The following MGST2 variants were observed in gnomAD, a reference collection of about 807,000 sequenced individuals.
The protein encoded by MGST2 is microsomal glutathione S-transferase 2.
MGST2 carries 9 observed loss-of-function variants against 16.6 expected under a neutral mutation model. The observed-to-expected ratio is 0.54, with a 90% CI of 0.33 to 0.95. MGST2 has a LOEUF of 0.95. MGST2 is among the 40% of genes least tolerant of loss of function. MGST2 has a pLI of 0.03. For synonymous variants in MGST2, 79 were observed against 68.0 expected, an observed-to-expected ratio of 1.16 and a Z score of -0.79; for missense variants, 159 against 175.1, an observed-to-expected ratio of 0.91 and a Z score of 0.52.
intron 1 of MGST2, 56 bp downstream of exon 1, chr4:139,666,133 T>A (rs1579278445): frequency 3.2e-6 from 5 of 1,542,226 alleles, no homozygotes; most frequent in Non-Finnish European, 4.5e-6. Context: ...TGTGTGTGTG[T>A]GACAAGGCTT....
intron 3 of MGST2, among the ~76,000 whole-genome samples, chr4:139,701,639 G>A (rs771474769): frequency 6.6e-6 from 1 of 151,932 alleles, no homozygotes; most frequent in Non-Finnish European, 1.5e-5. Flanking sequence ...TTTCACTGCC[G>A]ACCTCAATCC....
the MGST2 span, among the ~76,000 whole-genome samples, chr4:139,749,894 C>G: frequency 9.3e-5 from 10 of 107,890 alleles, no homozygotes; most frequent in East Asian, 2.9e-4. Context: ...AACCCCCCCC[C>G]ACCCTATTCT....
chr4:139,745,326 G>A (rs897127698), downstream of MGST2, among the ~76,000 whole-genome samples: 6 of 152,092 alleles, frequency 3.9e-5, no homozygotes, highest in Non-Finnish European at 7.3e-5. Flanking sequence ...GGGAATAAAC[G>A]CTAAATGCAT....
At position 139,715,759 on chromosome 4, in the gene MGST2, ACC is replaced by A. The variant is rs1252539592; in HGVS notation, c.*48+11565_*48+11566del. Among the ~76,000 whole-genome samples the A allele has an allele frequency of 1.3e-5, 2 of 152,082 alleles. No individual in the cohort carries two copies. Among genetic ancestry groups the A allele is most frequent in the African/African-American group, 2.4e-5 (1 of 41,420 alleles). ...GTGGCAGTGAGGACGACCAGAGGTC[ACC>A]CTCGTCGCTATTTTGGTTTTGGTGG... On this transcript the variant is annotated intron_variant, in intron 5 of 5. Coordinates refer to the MGST2 transcript ENST00000616265. This position sits in a 1 kb window ranked among gnomAD's most constrained non-coding sequence, Gnocchi z 4.4.
chr4:139,730,268 T>G, intron 5 of MGST2: 1 of 710,840 alleles, frequency 1.4e-6, no homozygotes, highest in Non-Finnish European at 2.3e-6. Flanking sequence ...AGGTCTAAAT[T>G]CTTCAGGTTC....
chr4:139,730,933 T>C (rs1728682584), intron 5 of MGST2: 1 of 513,484 alleles, frequency 1.9e-6, no homozygotes, highest in African/African-American at 1.9e-5. Flanking sequence ...TGGGACTGAC[T>C]ATTGCATATA....
intron 2 of MGST2, among the ~76,000 whole-genome samples, chr4:139,686,722 C>G (rs1462512488): frequency 2.0e-5 from 3 of 152,026 alleles, no homozygotes; most frequent in Non-Finnish European, 2.9e-5. Context: ...TTAATTTAAG[C>G]AAAAAAGCTG....
intron 5 of MGST2, chr4:139,730,198 C>G: frequency 1.7e-6 from 1 of 590,396 alleles, no homozygotes; most frequent in South Asian, 2.1e-5. Context: ...AAATTGATGG[C>G]TGGAGCCTGT....
chr4:139,685,758 G>C (rs1389492567), intron 2 of MGST2, among the ~76,000 whole-genome samples: 3 of 152,304 alleles, frequency 2.0e-5, no homozygotes, highest in East Asian at 1.9e-4. Context: ...CCCCTTCCTG[G>C]GTTCAAGCGA....
At chr4:139,671,456 T>C (rs909615276) in intron 1 of MGST2, among the ~76,000 whole-genome samples, 1 of 152,160 alleles carries the variant, frequency 6.6e-6, no homozygotes, top group Non-Finnish European at 1.5e-5. Context: ...ACTGTCATCA[T>C]ATATTCATCA....
At chr4:139,672,393 C>G (rs778291273) in intron 1 of MGST2, among the ~76,000 whole-genome samples, 1 of 152,108 alleles carries the variant, frequency 6.6e-6, no homozygotes, top group Non-Finnish European at 1.5e-5. Context: ...CTCATTTCCC[C>G]CTCAATGGAC....
chr4:139,713,141 C>T (rs1167896243), intron 5 of MGST2, among the ~76,000 whole-genome samples: 1 of 152,198 alleles, frequency 6.6e-6, no homozygotes, highest in African/African-American at 2.4e-5. Flanking sequence ...TCCATAACTA[C>T]TATTAGCCAT....
At chr4:139,678,972 G>T in intron 2 of MGST2, 1 of 336,842 alleles carries the variant, frequency 3.0e-6, no homozygotes, top group African/African-American at 2.1e-5. Flanking sequence ...GTCTGAAGTT[G>T]GATTCGTTAT....
intron 5 of MGST2, among the ~76,000 whole-genome samples, chr4:139,733,557 GAAAA>G (rs3051189): frequency 7.9e-6 from 1 of 126,194 alleles, no homozygotes; most frequent in African/African-American, 3.0e-5. Flanking sequence ...AGCACAGTGT[GAAAA>G]AAAAAAAAAA....
At chr4:139,697,332 CT>C (rs1726985669) in intron 3 of MGST2, among the ~76,000 whole-genome samples, 1 of 152,036 alleles carries the variant, frequency 6.6e-6, no homozygotes, top group Non-Finnish European at 1.5e-5. Context: ...GGACAGGGCA[CT>C]TTTGTTTGCA....
chr4:139,737,059 TGGA>T (rs1186326451), intron 5 of MGST2, among the ~76,000 whole-genome samples: 1 of 152,160 alleles, frequency 6.6e-6, no homozygotes, highest in Non-Finnish European at 1.5e-5. Context: ...AACTGTGCTG[TGGA>T]GGCTGAGGAG....
At chr4:139,670,201 C>T (rs1235049189) in intron 1 of MGST2, among the ~76,000 whole-genome samples, 1 of 128,558 alleles carries the variant, frequency 7.8e-6, no homozygotes, top group African/African-American at 3.0e-5. Flanking sequence ...CTTGAGGCAG[C>T]TTCTTTAGTT....
At chr4:139,666,299 C>T (rs1730347431) in intron 1 of MGST2, among the ~76,000 whole-genome samples, 1 of 152,000 alleles carries the variant, frequency 6.6e-6, no homozygotes, top group Non-Finnish European at 1.5e-5. Context: ...GAGAACATTC[C>T]AGAGATTAGT....
intron 3 of MGST2, chr4:139,698,685 T>A: frequency 1.5e-6 from 1 of 663,456 alleles, no homozygotes; most frequent in African/African-American, 1.8e-5. Context: ...AAGCTGCATT[T>A]CAATATGAGA....
Sources: allele counts gnomAD v4.1 joint callset (sites outside exome capture counted in the v4.1 genomes callset), GRCh38; gene constraint gnomAD v4.1.1; non-coding constraint Gnocchi (gnomAD v3.1); transcripts MANE v1.5; gene names NCBI Gene and HGNC (gene_info 2026-07-23, HGNC 2026-07-21).